RBFOX1: variants seen among roughly 807,000 people sequenced by gnomAD.
RBFOX1 encodes RNA binding fox-1 homolog 1, also known as RNA binding protein fox-1 homolog 1.
Under a neutral mutation model 57.7 loss-of-function variants are expected in RBFOX1, and 8 were observed. The ratio of observed to expected loss-of-function variants is 0.14; its 90% CI spans 0.08 to 0.25. The LOEUF is 0.25. Among genes scored for constraint, RBFOX1 ranks in the 10% least tolerant of loss-of-function variants. RBFOX1 has a pLI of 1.00. For synonymous variants in RBFOX1, 326 were observed against 222.4 expected, an observed-to-expected ratio of 1.47 and a Z score of -4.15; for missense variants, 611 against 548.5, an observed-to-expected ratio of 1.11 and a Z score of -1.14.
chr16:6,130,942 C>G (rs960383008), intron 1 of RBFOX1, among the ~76,000 whole-genome samples: 1 of 152,128 alleles, frequency 6.6e-6, no homozygotes, highest in African/African-American at 2.4e-5. Flanking sequence ...AATTTGCAAT[C>G]AACAACTCTC....
intron 4 of RBFOX1, among the ~76,000 whole-genome samples, chr16:7,318,477 C>G (rs2096485614): frequency 1.3e-5 from 2 of 152,108 alleles, no homozygotes; most frequent in South Asian, 2.1e-4. Context: ...TACCACTTAC[C>G]ACCTTTGCAC....
At chr16:5,700,366 G>T (rs2051003770) in intron 3 of RBFOX1, among the ~76,000 whole-genome samples, 1 of 150,930 alleles carries the variant, frequency 6.6e-6, no homozygotes, top group South Asian at 2.1e-4. Context: ...TCTTTGTATT[G>T]CCTTCTCTCT....
At chr16:6,857,126 A>T (rs893907970) in intron 3 of RBFOX1, among the ~76,000 whole-genome samples, 2 of 152,200 alleles carry the variant, frequency 1.3e-5, no homozygotes, top group African/African-American at 4.8e-5. Flanking sequence ...AAATCTCTGT[A>T]GAGTGATTTT....
chr16:5,810,618 C>G (rs560238191), intron 3 of RBFOX1, among the ~76,000 whole-genome samples: 2 of 152,242 alleles, frequency 1.3e-5, no homozygotes, highest in African/African-American at 4.8e-5. Flanking sequence ...TGGGTTGACC[C>G]AGCCCGTGGA....
At chr16:7,538,220 G>A (rs1204997753) in intron 5 of RBFOX1, among the ~76,000 whole-genome samples, 2 of 152,162 alleles carry the variant, frequency 1.3e-5, no homozygotes, top group African/African-American at 4.8e-5. Context: ...TCGTGCCTGG[G>A]CTTCACTTGA....
At chr16:7,104,578 G>T (rs958188096) in intron 4 of RBFOX1, among the ~76,000 whole-genome samples, 4 of 152,052 alleles carry the variant, frequency 2.6e-5, no homozygotes, top group African/African-American at 9.7e-5. Context: ...GAAAATGTTG[G>T]GCTTCTATAG....
chr16:5,392,545 TC>T (rs2066442210), intron 1 of RBFOX1, among the ~76,000 whole-genome samples: 1 of 151,544 alleles, frequency 6.6e-6, no homozygotes, highest in Non-Finnish European at 1.5e-5. Context: ...TTTCTTTTTT[TC>T]TTTTTTTTTT....
intron 3 of RBFOX1, among the ~76,000 whole-genome samples, chr16:6,673,686 G>C (rs573279037): frequency 2.6e-5 from 4 of 152,290 alleles, no homozygotes; most frequent in African/African-American, 9.6e-5. Flanking sequence ...GCTTCATGAT[G>C]GGTTCTGTGA....
At chr16:6,979,601 CTCTT>C (rs1191991784) in intron 3 of RBFOX1, among the ~76,000 whole-genome samples, 2 of 152,290 alleles carry the variant, frequency 1.3e-5, no homozygotes, top group African/African-American at 2.4e-5. Flanking sequence ...AGGGGTGTGA[CTCTT>C]TCATTCACAG....
chr16:5,730,001 A>C (rs535843508), intron 3 of RBFOX1, among the ~76,000 whole-genome samples: 3 of 152,156 alleles, frequency 2.0e-5, no homozygotes, highest in African/African-American at 4.8e-5. Flanking sequence ...CATGCCCGCA[A>C]AGGGGGTGCC....
At chr16:5,692,655 G>T (rs1338395442) in intron 3 of RBFOX1, among the ~76,000 whole-genome samples, 2 of 152,116 alleles carry the variant, frequency 1.3e-5, no homozygotes, top group Admixed American at 6.5e-5. Context: ...ACACTCCTAC[G>T]TAGGGACCAG....
At chr16:7,485,089 C>G (rs554380319) in intron 4 of RBFOX1, among the ~76,000 whole-genome samples, 1 of 149,078 alleles carries the variant, frequency 6.7e-6, no homozygotes, top group Non-Finnish European at 1.5e-5. Context: ...TAACAGAGGA[C>G]TTGACTTAGA....
At chr16:6,475,869 T>A (rs553349249) in intron 2 of RBFOX1, among the ~76,000 whole-genome samples, 2 of 152,336 alleles carry the variant, frequency 1.3e-5, no homozygotes, top group South Asian at 4.1e-4. Flanking sequence ...AAGGATAATC[T>A]ACGTCGCATT....
chr16:6,495,364 CG>C (rs1555503812), intron 2 of RBFOX1, among the ~76,000 whole-genome samples: 3 of 151,810 alleles, frequency 2.0e-5, no homozygotes, highest in Non-Finnish European at 4.4e-5. Flanking sequence ...GGTGATCCAC[CG>C]CCCCCCGCCC....
chr16:6,741,648 G>T (rs527771896), intron 3 of RBFOX1, among the ~76,000 whole-genome samples: 1 of 148,912 alleles, frequency 6.7e-6, no homozygotes, highest in East Asian at 2.0e-4. Context: ...CAGCCTGGGC[G>T]ACAGAGCCAG....
chr16:5,261,314 T>C (rs1376221821), intron 1 of RBFOX1, among the ~76,000 whole-genome samples: 1 of 152,220 alleles, frequency 6.6e-6, no homozygotes, highest in Non-Finnish European at 1.5e-5. Flanking sequence ...GTCATGGTCA[T>C]TCAATTCACA....
intron 3 of RBFOX1, among the ~76,000 whole-genome samples, chr16:7,046,841 G>C (rs1280943637): frequency 6.6e-6 from 1 of 151,916 alleles, no homozygotes; most frequent in African/African-American, 2.4e-5. Flanking sequence ...CCTAACCTCA[G>C]GTGATCTGCG....
intron 4 of RBFOX1, among the ~76,000 whole-genome samples, chr16:6,012,025 C>T (rs1035759328): frequency 1.3e-5 from 2 of 152,250 alleles, no homozygotes; most frequent in African/African-American, 4.8e-5. Flanking sequence ...TCACCACTCA[C>T]TTCCACAGAG....
intron 1 of RBFOX1, among the ~76,000 whole-genome samples, chr16:6,096,303 A>G (rs1219349510): frequency 1.3e-5 from 2 of 152,220 alleles, no homozygotes; most frequent in Non-Finnish European, 2.9e-5. Flanking sequence ...GAAATTTTCA[A>G]ATATAAATAA....
Sources: allele counts gnomAD v4.1 joint callset (sites outside exome capture counted in the v4.1 genomes callset), GRCh38; gene constraint gnomAD v4.1.1; transcripts MANE v1.5; gene names NCBI Gene and HGNC (gene_info 2026-07-23, HGNC 2026-07-21).